Variants in BMPR1B observed in about 807,000 individuals in gnomAD.
BMPR1B encodes the protein bone morphogenetic protein receptor type 1B, also known as bone morphogenetic protein receptor type-1B.
A neutral mutation model predicts 59.1 loss-of-function variants in BMPR1B; 12 were observed. The ratio of observed to expected loss-of-function variants is 0.20; its 90% CI spans 0.13 to 0.33. The LOEUF (loss-of-function observed/expected upper bound fraction) is 0.33. BMPR1B is among the 10% of genes least tolerant of loss of function. The probability of loss-of-function intolerance (pLI) is 1.00; values close to 1 mark genes in which losing one functional copy is unlikely to be tolerated. For missense variants in BMPR1B, 550 were observed against 610.9 expected, an observed-to-expected ratio of 0.90 and a Z score of 1.05; for synonymous variants, 237 against 207.3, an observed-to-expected ratio of 1.14 and a Z score of -1.23.
chr4:95,027,995 T>C (rs546283401), intron 3 of BMPR1B, among the ~76,000 whole-genome samples: 42 of 152,184 alleles, frequency 2.8e-4, no homozygotes, highest in African/African-American at 9.9e-4. Context: ...GCAGAGGCAA[T>C]AGAAAGGCAG....
intron 1 of BMPR1B, among the ~76,000 whole-genome samples, chr4:94,858,636 T>C (rs1243992264): frequency 6.6e-6 from 1 of 152,136 alleles, no homozygotes; most frequent in African/African-American, 2.4e-5. Context: ...AGAGTGAAAA[T>C]AGTTGTTTTC....
At chr4:95,092,362 G>T (rs1318532382) in intron 3 of BMPR1B, among the ~76,000 whole-genome samples, 2 of 151,890 alleles carry the variant, frequency 1.3e-5, no homozygotes, top group African/African-American at 4.8e-5. Context: ...AAAGCACATG[G>T]GTGGCACTGC....
intron 2 of BMPR1B, among the ~76,000 whole-genome samples, chr4:94,940,137 T>G (rs903205930): frequency 3.3e-5 from 5 of 152,210 alleles, no homozygotes; most frequent in Admixed American, 6.5e-5. Context: ...CAGTTAGAGT[T>G]TGGGTGTGTT....
At chr4:95,062,700 C>T (rs1727490594) in intron 3 of BMPR1B, among the ~76,000 whole-genome samples, 2 of 152,104 alleles carry the variant, frequency 1.3e-5, no homozygotes, top group Non-Finnish European at 2.9e-5. Context: ...GGTTAATGTT[C>T]CTTTCCATTG....
chr4:95,019,184 A>G (rs1428702771), intron 3 of BMPR1B, among the ~76,000 whole-genome samples: 2 of 152,214 alleles, frequency 1.3e-5, no homozygotes, highest in African/African-American at 4.8e-5. Context: ...CTTTAAAACT[A>G]GACAAATATA....
intron 11 of BMPR1B, among the ~76,000 whole-genome samples, chr4:95,152,174 T>C (rs7655402): frequency 0.02 from 3,019 of 152,218 alleles, 104 homozygotes; most frequent in African/African-American, 0.069. Context: ...TTCCTACAAT[T>C]AAGCAGAAAA....
At chr4:95,056,243 G>C (rs770404359) in intron 3 of BMPR1B, among the ~76,000 whole-genome samples, 1 of 152,124 alleles carries the variant, frequency 6.6e-6, no homozygotes, top group Non-Finnish European at 1.5e-5. Context: ...ATATATATTT[G>C]TTGGTTTGGA....
chr4:94,952,000 C>T (rs563565117), intron 2 of BMPR1B, among the ~76,000 whole-genome samples: 51 of 152,182 alleles, frequency 3.4e-4, no homozygotes, highest in African/African-American at 1.2e-3. Context: ...GTGTGTGTGT[C>T]TAGGAATGTA....
chr4:94,895,669 C>A (rs2148994446), intron 2 of BMPR1B, among the ~76,000 whole-genome samples: 1 of 146,204 alleles, frequency 6.8e-6, no homozygotes, highest in African/African-American at 2.5e-5. Flanking sequence ...TGTGTGACAT[C>A]TTTTTTTTTT....
At chr4:95,070,724 A>T (rs918689597) in intron 3 of BMPR1B, among the ~76,000 whole-genome samples, 1 of 152,218 alleles carries the variant, frequency 6.6e-6, no homozygotes, top group Non-Finnish European at 1.5e-5. Flanking sequence ...GGAGCATAGA[A>T]GTTCTTAATC....
At chr4:95,018,707 T>C (rs1287454179) in intron 3 of BMPR1B, among the ~76,000 whole-genome samples, 1 of 152,214 alleles carries the variant, frequency 6.6e-6, no homozygotes, top group Non-Finnish European at 1.5e-5. Flanking sequence ...TTCCTAATGA[T>C]AAATAACTAC....
chr4:94,792,356 A>AT (rs1723017417), intron 1 of BMPR1B, among the ~76,000 whole-genome samples: 1 of 151,902 alleles, frequency 6.6e-6, no homozygotes, highest in Non-Finnish European at 1.5e-5. Flanking sequence ...TTGGCCTCTG[A>AT]TTTTTGTCAG....
intron 4 of BMPR1B, among the ~76,000 whole-genome samples, chr4:95,111,536 G>C (rs1731633465): frequency 1.3e-5 from 2 of 152,040 alleles, no homozygotes; most frequent in African/African-American, 4.8e-5. Context: ...GTTCCAGAAG[G>C]CTATATTATA....
chr4:95,083,796 C>T (rs570173024), intron 3 of BMPR1B, among the ~76,000 whole-genome samples: 1 of 152,238 alleles, frequency 6.6e-6, no homozygotes, highest in South Asian at 2.1e-4. Context: ...TGTGTTTCTT[C>T]ATAATTTCTT....
At chr4:94,914,860 A>G (rs1728422966) in intron 2 of BMPR1B, among the ~76,000 whole-genome samples, 1 of 151,922 alleles carries the variant, frequency 6.6e-6, no homozygotes, top group African/African-American at 2.4e-5. Context: ...GTAGTCAACA[A>G]CTCTCTCTCC....
chr4:94,981,468 A>G (rs1414145084), intron 2 of BMPR1B, among the ~76,000 whole-genome samples: 1 of 152,214 alleles, frequency 6.6e-6, no homozygotes, highest in Non-Finnish European at 1.5e-5. Flanking sequence ...GAGAAGCTCT[A>G]CCAGTGGAAC....
chr4:94,902,086 T>G lies in BMPR1B; in HGVS notation c.-113+26186T>G, dbSNP rs1047055726. On this transcript the variant is annotated intron_variant, in intron 2 of 12. Transcript: ENST00000515059. ...GTGTGTGTGTGTGTGTGTGTGTGTG[T>G]GGGGTGTATTTAAAGGAAACAACTT... Among the ~76,000 whole-genome samples the G allele has an allele frequency of 8.4e-3, 935 of 111,966 alleles. 5 individuals carry two copies. The highest frequency in any genetic ancestry group is 0.012 in the Non-Finnish European group (669 of 53,578). 73.5% of individuals were successfully genotyped at this position (111,966 alleles called of 152,430 possible). A position where few individuals can be genotyped will look rare whatever the true frequency, so the allele number is the denominator to read the frequency against.
chr4:95,078,765 T>C (rs548908812), intron 3 of BMPR1B, among the ~76,000 whole-genome samples: 3 of 152,292 alleles, frequency 2.0e-5, no homozygotes, highest in Admixed American at 1.3e-4. Context: ...CTTTTTTTCC[T>C]TACTATTTTT....
At position 94,940,555 on chromosome 4, in the gene BMPR1B, G is replaced by A. The variant is rs908489087; in HGVS notation, c.-112-55485G>A. Among the ~76,000 whole-genome samples, 3 of 152,182 alleles carry A rather than the reference G, an allele frequency of 2.0e-5. No individual in the cohort carries two copies. In the East Asian group the frequency reaches 5.8e-4, roughly 29 times the overall value. On this transcript the variant is annotated intron_variant, in intron 2 of 12. Coordinates refer to ENST00000515059, the MANE Select transcript of BMPR1B (RefSeq NM_001203.3). ...AATTGTTGAACATTGTGAACACGTA[G>A]TGTTTACTGAGTTGTATAATACGTG...
Sources: gnomAD v4.1 joint callset for allele counts (sites outside exome capture counted in the v4.1 genomes callset) on GRCh38, gnomAD v4.1.1 for gene constraint, MANE v1.5 for transcripts, NCBI Gene and HGNC (gene_info 2026-07-23, HGNC 2026-07-21) for gene names.